KCNMA1: variants seen among roughly 807,000 people sequenced by gnomAD.
The protein encoded by KCNMA1 is Calcium-activated potassium channel subunit alpha-1.
A neutral mutation model predicts 140.0 loss-of-function variants in KCNMA1; 29 were observed. The observed-to-expected ratio is 0.21, with a 90% CI of 0.15 to 0.28. The LOEUF is 0.28. Among genes scored for constraint, KCNMA1 ranks in the 10% least tolerant of loss-of-function variants. The probability of loss-of-function intolerance (pLI) is 1.00; values close to 1 mark genes in which losing one functional copy is unlikely to be tolerated. For missense variants in KCNMA1, 880 were observed against 1,602.2 expected (o/e 0.55, Z 7.70); for synonymous variants, 612 against 611.9 (o/e 1.00, Z 0.00).
intron 14 of KCNMA1, among the ~76,000 whole-genome samples, chr10:77,056,887 A>C (rs933969062): frequency 2.0e-5 from 3 of 152,148 alleles, no homozygotes; most frequent in Non-Finnish European, 4.4e-5. Flanking sequence ...AGAGAGAAAA[A>C]AGTATTGAAA....
At chr10:77,472,349 T>A (rs2098182055) in intron 1 of KCNMA1, among the ~76,000 whole-genome samples, 1 of 139,432 alleles carries the variant, frequency 7.2e-6, no homozygotes, top group African/African-American at 2.7e-5. Flanking sequence ...CATATACACA[T>A]ACACACACCA....
intron 6 of KCNMA1, among the ~76,000 whole-genome samples, chr10:77,117,779 GA>G (rs1425880847): frequency 4.0e-5 from 6 of 151,728 alleles, no homozygotes; most frequent in Non-Finnish European, 8.8e-5. Flanking sequence ...GGGCAACTGA[GA>G]AACTGCCAAA....
chr10:77,553,079 C>T (rs531238258), intron 1 of KCNMA1, among the ~76,000 whole-genome samples: 2 of 148,266 alleles, frequency 1.3e-5, no homozygotes, highest in African/African-American at 2.5e-5. Context: ...CGCCGGGTGG[C>T]GGGGTGGGGA....
At chr10:77,071,845 A>G (rs34674741) in intron 14 of KCNMA1, among the ~76,000 whole-genome samples, 27,732 of 152,194 alleles carry the variant, frequency 0.18, 3,046 homozygotes, top group Middle Eastern at 0.26. Flanking sequence ...TCAGTTGGCT[A>G]CATAATGCCG....
intron 1 of KCNMA1, among the ~76,000 whole-genome samples, chr10:77,404,765 G>A (rs79855822): frequency 6.6e-6 from 1 of 152,074 alleles, no homozygotes; most frequent in East Asian, 1.9e-4. Context: ...GGGACAGATG[G>A]CCTCACATTG....
intron 14 of KCNMA1, among the ~76,000 whole-genome samples, chr10:77,049,547 T>C (rs2095274636): frequency 1.3e-5 from 2 of 152,200 alleles, no homozygotes; most frequent in African/African-American, 4.8e-5. Flanking sequence ...GGAAGAGCTG[T>C]CTTACTCAGC....
chr10:76,871,931 A>G (rs1365261598), exon 28 of KCNMA1: 3 of 152,164 alleles, frequency 2.0e-5, no homozygotes, highest in Non-Finnish European at 4.4e-5. Context: ...GGCAGAACCC[A>G]TATTGTGCTC....
rs568331747 is a variant in KCNMA1, at chr10:77,547,353, G to A, written c.378+89912C>T. Among the ~76,000 whole-genome samples the A allele has an allele frequency of 2.6e-5, 4 of 152,264 alleles. No homozygotes were observed. The East Asian group carries it at 5.8e-4, about 22-fold the overall frequency. On this transcript the variant is annotated intron_variant, in intron 1 of 27. Coordinates refer to ENST00000286628, the MANE Select transcript of KCNMA1 (RefSeq NM_001161352.2). ...ACAGGCTTGGCTCAATGAACAGAAC[G>A]GCTCCGTTATATTTCAACCTACCCA...
intron 2 of KCNMA1, among the ~76,000 whole-genome samples, chr10:77,362,052 G>A (rs2154401233): frequency 6.6e-6 from 1 of 152,324 alleles, no homozygotes; most frequent in East Asian, 1.9e-4. Flanking sequence ...GTTGATAGCA[G>A]CTGTCCTTAG....
At chr10:77,506,584 A>AGTGTGTGTGTGT (rs1373201126) in intron 1 of KCNMA1, among the ~76,000 whole-genome samples, 1 of 107,558 alleles carries the variant, frequency 9.3e-6, no homozygotes, top group African/African-American at 5.3e-5. Context: ...AGAGAGAGAG[A>AGTGTGTGTGTGT]GAGAGAGAGA....
intron 1 of KCNMA1, among the ~76,000 whole-genome samples, chr10:77,427,562 C>T (rs1029404258): frequency 5.3e-5 from 8 of 152,022 alleles, no homozygotes; most frequent in African/African-American, 1.9e-4. Context: ...CCTTCCCTCC[C>T]CTCTCTTTTT....
intron 23 of KCNMA1, among the ~76,000 whole-genome samples, chr10:76,932,807 C>T (rs948745374): frequency 6.6e-6 from 1 of 152,194 alleles, no homozygotes; most frequent in African/African-American, 2.4e-5. Flanking sequence ...CCTCCTGCTC[C>T]AGTCTACCGC....
intron 6 of KCNMA1, among the ~76,000 whole-genome samples, chr10:77,116,079 T>C (rs2097456238): frequency 6.6e-6 from 1 of 152,228 alleles, no homozygotes; most frequent in South Asian, 2.1e-4. Context: ...CCCAGGGATC[T>C]GGGCCAAACA....
chr10:77,230,094 G>C (rs1367580425), intron 3 of KCNMA1, among the ~76,000 whole-genome samples: 1 of 152,162 alleles, frequency 6.6e-6, no homozygotes, highest in African/African-American at 2.4e-5. Context: ...ACATAAAATG[G>C]AATATTATTC....
chr10:76,950,976 C>T (rs2066037568), intron 21 of KCNMA1, among the ~76,000 whole-genome samples: 1 of 152,182 alleles, frequency 6.6e-6, no homozygotes, highest in Non-Finnish European at 1.5e-5. Context: ...AGTGCAAGTG[C>T]CTGGGTGCCA....
At chr10:77,454,928 T>C (rs16934811) in intron 1 of KCNMA1, among the ~76,000 whole-genome samples, 4,990 of 152,184 alleles carry the variant, frequency 0.033, 294 homozygotes, top group African/African-American at 0.11. Context: ...TCTGCACCAT[T>C]GATCTTTCTG....
At chr10:76,948,103 C>G (rs538259022) in intron 22 of KCNMA1, among the ~76,000 whole-genome samples, 1 of 152,240 alleles carries the variant, frequency 6.6e-6, no homozygotes, top group Admixed American at 6.5e-5. Flanking sequence ...CTCTCAGGCT[C>G]AAGTGATCCT....
At chr10:76,998,262 T>C (rs2085036669) in intron 19 of KCNMA1, among the ~76,000 whole-genome samples, 1 of 152,130 alleles carries the variant, frequency 6.6e-6, no homozygotes, top group Non-Finnish European at 1.5e-5. Flanking sequence ...CTCTTCCCAC[T>C]TCACAAAACA....
chr10:76,996,877 C>T (rs1484780774), intron 19 of KCNMA1, among the ~76,000 whole-genome samples: 1 of 152,108 alleles, frequency 6.6e-6, no homozygotes, highest in Admixed American at 6.5e-5. Flanking sequence ...CCTAAAACTG[C>T]ACATAAAAGG....
Sources: gnomAD v4.1 joint callset for allele counts (sites outside exome capture counted in the v4.1 genomes callset) on GRCh38, gnomAD v4.1.1 for gene constraint, MANE v1.5 for transcripts, NCBI Gene and HGNC (gene_info 2026-07-23, HGNC 2026-07-21) for gene names.